The following NHSL1 variants were observed in gnomAD, a reference collection of about 807,000 sequenced individuals.
NHSL1 encodes NHS-like protein 1.
Under a neutral mutation model 95.0 loss-of-function variants are expected in NHSL1, and 48 were observed. The ratio of observed to expected loss-of-function variants is 0.51; its 90% CI spans 0.40 to 0.64. The LOEUF (loss-of-function observed/expected upper bound fraction) is 0.64. Among genes scored for constraint, NHSL1 ranks in the 30% least tolerant of loss-of-function variants. NHSL1 has a pLI of 0.00. For synonymous variants in NHSL1, 783 were observed against 833.9 expected (o/e 0.94, Z 1.05); for missense variants, 1,971 against 2,077.7 (o/e 0.95, Z 1.00).
At chr6:138,542,568 T>G (rs1231410414) in intron 1 of NHSL1, among the ~76,000 whole-genome samples, 1 of 152,180 alleles carries the variant, frequency 6.6e-6, no homozygotes, top group East Asian at 1.9e-4. Flanking sequence ...AAAACATCAG[T>G]CTGTAATGGT....
chr6:138,532,327 T>C (rs1782169124), intron 1 of NHSL1, among the ~76,000 whole-genome samples: 1 of 152,126 alleles, frequency 6.6e-6, no homozygotes, highest in Non-Finnish European at 1.5e-5. Flanking sequence ...AATGGAACAG[T>C]GGTGGTAGGG....
intron 1 of NHSL1, among the ~76,000 whole-genome samples, chr6:138,530,975 A>T (rs921044630): frequency 4.0e-5 from 6 of 150,322 alleles, no homozygotes; most frequent in Admixed American, 6.6e-5. Context: ...AATTTAAAAT[A>T]TTTTTTTTTT....
intron 1 of NHSL1, among the ~76,000 whole-genome samples, chr6:138,593,044 G>T (rs1317721360): frequency 1.3e-5 from 2 of 152,154 alleles, no homozygotes; most frequent in African/African-American, 4.8e-5. Flanking sequence ...ATTTAATGGA[G>T]CCTGGATGAA....
chr6:138,582,215 A>C (rs908486668), intron 1 of NHSL1, among the ~76,000 whole-genome samples: 1 of 152,128 alleles, frequency 6.6e-6, no homozygotes, highest in Non-Finnish European at 1.5e-5. Context: ...CCTTAATTTA[A>C]AGAGCAGTTT....
chr6:138,536,615 T>C (rs1288845031), intron 1 of NHSL1, among the ~76,000 whole-genome samples: 5 of 146,322 alleles, frequency 3.4e-5, no homozygotes, highest in African/African-American at 1.3e-4. Context: ...TTTTTTTTTT[T>C]TTTTTTTTTT....
chr6:138,491,682 G>T (rs111397373), intron 2 of NHSL1, among the ~76,000 whole-genome samples: 4,116 of 152,246 alleles, frequency 0.027, 78 homozygotes, highest in Non-Finnish European at 0.041. Flanking sequence ...ATTTTTTGTT[G>T]CTAGCCAGAT....
upstream of NHSL1, among the ~76,000 whole-genome samples, chr6:138,576,791 G>A (rs550801809): frequency 6.6e-6 from 1 of 152,282 alleles, no homozygotes; most frequent in East Asian, 1.9e-4. Flanking sequence ...TGACCCCCAG[G>A]TGGATCTTTA....
intron 1 of NHSL1, among the ~76,000 whole-genome samples, chr6:138,684,967 ATTTT>A (rs150711736): frequency 4.7e-5 from 7 of 150,304 alleles, no homozygotes; most frequent in Admixed American, 2.0e-4. Flanking sequence ...ACTTATAACG[ATTTT>A]TTTTTTCTTT....
chr6:138,567,825 C>A (rs1783676549), intron 1 of NHSL1, among the ~76,000 whole-genome samples: 1 of 152,072 alleles, frequency 6.6e-6, no homozygotes, highest in South Asian at 2.1e-4. Flanking sequence ...ACGATAAAGT[C>A]CAGAAGGAAA....
chr6:138,495,268 C>A (rs1780283775), intron 2 of NHSL1, among the ~76,000 whole-genome samples: 1 of 152,028 alleles, frequency 6.6e-6, no homozygotes, highest in African/African-American at 2.4e-5. Context: ...CCACAATGAA[C>A]TGAAGTAAAA....
chr6:138,571,937 A>T (rs1783855374), exon 1 of NHSL1: 3 of 1,545,726 alleles, frequency 1.9e-6, no homozygotes. Flanking sequence ...AACTAGAGAC[A>T]AAGAACAGCC....
intron 3 of NHSL1, among the ~76,000 whole-genome samples, chr6:138,456,821 C>T (rs1777641631): frequency 6.8e-6 from 1 of 148,066 alleles, no homozygotes; most frequent in South Asian, 2.1e-4. Flanking sequence ...GTACACAAAG[C>T]AATGGTGTAC....
chr6:138,628,240 A>G lies in NHSL1; in HGVS notation c.96+64236T>C, dbSNP rs536535254. ...GGCAGGAGAATTGCTTGAACCTGGGAAGCGGAGGTTGCGGTGAGCTGAGGT... is the reference window on the plus strand; with the variant it reads ...GGCAGGAGAATTGCTTGAACCTGGGGAGCGGAGGTTGCGGTGAGCTGAGGT... On this transcript the variant is annotated intron_variant, in intron 1 of 3. Transcript: ENST00000491526. 5.3e-5 allele frequency among the ~76,000 whole-genome samples: 8 copies of G among 150,842 alleles called. No homozygotes were observed. In the South Asian group the frequency reaches 1.7e-3, roughly 32 times the overall value.
intron 1 of NHSL1, among the ~76,000 whole-genome samples, chr6:138,687,057 G>T (rs1023547096): frequency 2.6e-5 from 4 of 152,158 alleles, no homozygotes; most frequent in African/African-American, 9.7e-5. Context: ...CTAGCATGTG[G>T]TATGTGTCAA....
intron 1 of NHSL1, among the ~76,000 whole-genome samples, chr6:138,508,064 T>C (rs1331045204): frequency 1.3e-5 from 2 of 152,224 alleles, no homozygotes; most frequent in African/African-American, 4.8e-5. Flanking sequence ...GCCATCGGCT[T>C]GGTCAATTTC....
intron 1 of NHSL1, among the ~76,000 whole-genome samples, chr6:138,565,762 AAAAAT>A (rs146572935): frequency 1.8e-4 from 27 of 147,538 alleles, no homozygotes; most frequent in African/African-American, 6.5e-4. Context: ...CCATCTCTAC[AAAAAT>A]AAAATAAAAT....
At chr6:138,691,687 T>A (rs1235091871) in intron 1 of NHSL1, 2 of 343,312 alleles carry the variant, frequency 5.8e-6, no homozygotes, top group Non-Finnish European at 5.8e-6. Flanking sequence ...GTTTCTCTGC[T>A]TTGGGCCAGC....
chr6:138,606,891 G>T (rs1163048059), intron 1 of NHSL1, among the ~76,000 whole-genome samples: 1 of 151,814 alleles, frequency 6.6e-6, no homozygotes, highest in East Asian at 1.9e-4. Flanking sequence ...TTTTAGTAGA[G>T]ACGGGGTTTC....
At chr6:138,427,743 T>G (rs1407549727) in intron 7 of NHSL1, among the ~76,000 whole-genome samples, 1 of 152,232 alleles carries the variant, frequency 6.6e-6, no homozygotes, top group African/African-American at 2.4e-5. Context: ...ATTATAAAAT[T>G]TGGAAGCTGT....
Sources: gnomAD v4.1 joint callset for allele counts (sites outside exome capture counted in the v4.1 genomes callset) on GRCh38, gnomAD v4.1.1 for gene constraint, MANE v1.5 for transcripts, NCBI Gene and HGNC (gene_info 2026-07-23, HGNC 2026-07-21) for gene names.